The following ADAT1 variants were observed in gnomAD, a reference collection of about 807,000 sequenced individuals.
ADAT1 encodes tRNA-specific adenosine deaminase 1.
In ADAT1, 58 loss-of-function variants were observed where a neutral mutation model predicts 58.6. That is an observed-to-expected ratio of 0.99 (90% confidence interval 0.80 to 1.23). The LOEUF is 1.23. Ranked by LOEUF, ADAT1 falls within the 50% of genes most tolerant of loss-of-function variation. The pLI, the probability that ADAT1 is intolerant of heterozygous loss-of-function variation, is 0.00. For missense variants in ADAT1, 741 were observed against 608.6 expected (o/e 1.22, Z -2.29); for synonymous variants, 254 against 220.8 (o/e 1.15, Z -1.33).
At chr16:75,603,622 G>T (rs1390801034) in intron 8 of ADAT1, among the ~76,000 whole-genome samples, 1 of 152,118 alleles carries the variant, frequency 6.6e-6, no homozygotes, top group African/African-American at 2.4e-5. Context: ...TCCTGCCATG[G>T]GCATCACAGG....
chr16:75,612,231 C>T lies in ADAT1; in HGVS notation c.1043+12G>A, dbSNP rs1383810557. On this transcript the variant is annotated intron_variant, in intron 6 of 9. Coordinates refer to ENST00000564657, the MANE Select transcript of ADAT1 (RefSeq NM_001324445.2). ...AATGACTGTTCCAATTGAGCCCTCC[C>T]TACCCTCTCACCTTCCAATCAGTGC... 14 of 1,611,024 alleles carry T rather than the reference C, an allele frequency of 8.7e-6. No homozygotes were observed. The highest frequency in any genetic ancestry group is 1.2e-5 in the Non-Finnish European group (14 of 1,178,022).
intron 6 of ADAT1, among the ~76,000 whole-genome samples, chr16:75,609,866 A>C (rs1300225253): frequency 6.6e-6 from 1 of 151,834 alleles, no homozygotes; most frequent in Non-Finnish European, 1.5e-5. Context: ...ATCATGTCCG[A>C]CTAATTTTTA....
intron 5 of ADAT1, among the ~76,000 whole-genome samples, chr16:75,613,915 G>C (rs1196852899): frequency 6.6e-6 from 1 of 152,072 alleles, no homozygotes; most frequent in Non-Finnish European, 1.5e-5. Context: ...TGGCAGGCAG[G>C]GTGCGGTGGC....
chr16:75,620,949 G>T, intron 1 of ADAT1, 129 bp from the exon 2 acceptor site: 3 of 667,168 alleles, frequency 4.5e-6, no homozygotes, highest in East Asian at 3.1e-5. Flanking sequence ...GGAACTCTAT[G>T]GATCATTTTC....
chr16:75,604,301 C>G (rs533809388), intron 8 of ADAT1, among the ~76,000 whole-genome samples: 1 of 150,578 alleles, frequency 6.6e-6, no homozygotes, highest in Non-Finnish European at 1.5e-5. Flanking sequence ...GGAGTGGTGG[C>G]GCATGCCTGT....
At chr16:75,620,939 G>T in intron 1 of ADAT1, 119 bp from the exon 2 acceptor site, 1 of 709,972 alleles carries the variant, frequency 1.4e-6, no homozygotes, top group Non-Finnish European at 2.2e-6. Flanking sequence ...TTCCCTATCT[G>T]GAACTCTATG....
intron 8 of ADAT1, among the ~76,000 whole-genome samples, chr16:75,604,749 G>A (rs2081326654): frequency 6.6e-6 from 1 of 151,996 alleles, no homozygotes; most frequent in Admixed American, 6.6e-5. Flanking sequence ...GAAGGTTCTG[G>A]CCAGCAGGAC....
rs1317516807 is a variant in ADAT1, at chr16:75,612,554, G to A, written c.732C>T (p.Thr244=). The change falls in exon 6 of 10, where the codon ACC becomes ACT. Residue 244 remains threonine (T), a synonymous_variant. Coordinates refer to ENST00000564657, the MANE Select transcript of ADAT1 (RefSeq NM_001324445.2). ...CTTTGGCACTACCAGGGGCTATTCT[G>A]GTGACAGTAGCCAGTCCCTCTACAG... ...DLTVEGLATV[T]RIAPGSAKVI... 6.2e-7 allele frequency: 1 copy of A among 1,613,964 alleles called. No homozygotes were observed. Among genetic ancestry groups the A allele is most frequent in the Admixed American group, 1.7e-5 (1 of 59,990 alleles).
rs1391200741 is a variant in ADAT1, at chr16:75,608,212, A to C, written c.1289+12T>G. The stretch of plus-strand genomic sequence containing the variant: ...CACAGCCACCATCTCCTCCTGCCCC[A>C]ATATGCTGTACCTTGCCTGAAGGCT... On this transcript the variant is annotated intron_variant, in intron 8 of 9. Coordinates refer to ENST00000564657, the MANE Select transcript of ADAT1 (RefSeq NM_001324445.2). The C allele has an allele frequency of 1.9e-6, 3 of 1,611,624 alleles. No individual in the cohort carries two copies. Among genetic ancestry groups the C allele is most frequent in the African/African-American group, 1.3e-5 (1 of 74,986 alleles).
chr16:75,615,086 G>C (rs1030295317), intron 5 of ADAT1, among the ~76,000 whole-genome samples: 3 of 151,852 alleles, frequency 2.0e-5, no homozygotes, highest in African/African-American at 4.8e-5. Flanking sequence ...AATTAGCCGG[G>C]CGTGGTGGCG....
Position 75,608,840 on chromosome 16 carries a change from T to C in ADAT1, c.1189+3A>G. 6.2e-7 allele frequency: 1 copy of C among 1,613,004 alleles called. No homozygotes were observed. Among genetic ancestry groups the C allele is most frequent in the Non-Finnish European group, 8.5e-7 (1 of 1,179,728 alleles). On this transcript the variant is annotated splice_donor_region_variant and intron_variant, in intron 7 of 9. Transcript: ENST00000564657. ...CAGGGCAGGTCTAACCTGGATCTCT[T>C]ACCTGCCCCACAAGGAACAAGTCGA...
chr16:75,609,106 T>C (rs1362850158), intron 6 of ADAT1, 118 bp from the exon 7 acceptor site: 10 of 1,214,144 alleles, frequency 8.2e-6, no homozygotes, highest in Non-Finnish European at 1.0e-5. Context: ...TGTTTATTTA[T>C]TTGGGCAGAC....
At chr16:75,603,419 C>T (rs2081278754) in intron 8 of ADAT1, among the ~76,000 whole-genome samples, 1 of 152,172 alleles carries the variant, frequency 6.6e-6, no homozygotes, top group African/African-American at 2.4e-5. Context: ...AACGGGTACC[C>T]TGAGGTGCAA....
chr16:75,603,019 A>G (rs2081269284), intron 9 of ADAT1, 66 bp downstream of exon 9: 1 of 1,444,236 alleles, frequency 6.9e-7, no homozygotes, highest in East Asian at 2.3e-5. Context: ...GCTTCTTGCT[A>G]CTCAGAAGCC....
In ADAT1 at chr16:75,596,910, T is replaced by C. The variant is rs1414447934; in HGVS notation, c.*3306A>G. On this transcript the variant is annotated 3_prime_UTR_variant, in exon 10 of 10. Transcript: ENST00000564657. ...TATTCCATAAATAGTAATAAAGTAC[T>C]GATTCATGCTACAACATAAATCTTG... 6.6e-6 allele frequency: 1 copy of C among 152,188 alleles called. No homozygotes were observed. The highest frequency in any genetic ancestry group is 1.5e-5 in the Non-Finnish European group (1 of 68,068). 9.4% of individuals were successfully genotyped at this position (152,188 alleles called of 1,614,324 possible). A position where few individuals can be genotyped will look rare whatever the true frequency, so the allele number is the denominator to read the frequency against.
At chr16:75,617,775 G>A (rs182292968) in intron 4 of ADAT1, among the ~76,000 whole-genome samples, 3 of 151,582 alleles carry the variant, frequency 2.0e-5, no homozygotes, top group Admixed American at 1.3e-4. Flanking sequence ...TTCTTCTGAT[G>A]TACAATCAAG....
At chr16:75,620,608 A>G (rs372011355) in intron 2 of ADAT1, 23 bp downstream of exon 2, 2 of 1,610,810 alleles carry the variant, frequency 1.2e-6, no homozygotes, top group African/African-American at 2.7e-5. Context: ...AGTGAGGAGC[A>G]TGCCAAGAAG....
chr16:75,617,548 T>A (rs951310723), intron 4 of ADAT1, among the ~76,000 whole-genome samples: 17 of 151,984 alleles, frequency 1.1e-4, no homozygotes, highest in Admixed American at 7.2e-4. Context: ...GCAGGAAGAC[T>A]GCTTAAGCCC....
chr16:75,607,672 C>T (rs80106767), intron 8 of ADAT1, among the ~76,000 whole-genome samples: 5,460 of 152,128 alleles, frequency 0.036, 155 homozygotes, highest in African/African-American at 0.079. Flanking sequence ...TTTAGCAGTT[C>T]CTCAAAAAAG....
Sources: allele counts gnomAD v4.1 joint callset (sites outside exome capture counted in the v4.1 genomes callset), GRCh38; gene constraint gnomAD v4.1.1; transcripts MANE v1.5; gene names NCBI Gene and HGNC (gene_info 2026-07-23, HGNC 2026-07-21).